ICOS: variants seen among roughly 807,000 people sequenced by gnomAD.
ICOS encodes inducible T-cell costimulator.
In ICOS, 15 loss-of-function variants were observed where a neutral mutation model predicts 24.6. The ratio of observed to expected loss-of-function variants is 0.61; its 90% CI spans 0.41 to 0.94. The LOEUF (loss-of-function observed/expected upper bound fraction) is 0.94. ICOS is among the 40% of genes least tolerant of loss of function. The pLI is 0.00. For synonymous variants in ICOS, 89 were observed against 77.5 expected, an observed-to-expected ratio of 1.15 and a Z score of -0.78; for missense variants, 200 against 233.0, an observed-to-expected ratio of 0.86 and a Z score of 0.92.
chr2:203,952,230 T>C (rs1034404077), intron 1 of ICOS, among the ~76,000 whole-genome samples: 1 of 152,216 alleles, frequency 6.6e-6, no homozygotes, highest in African/African-American at 2.4e-5. Flanking sequence ...CTAATTCAGA[T>C]TATATTAACT....
chr2:203,956,059 A>C, intron 2 of ICOS, 88 bp downstream of exon 2: 2 of 887,038 alleles, frequency 2.3e-6, no homozygotes, highest in South Asian at 1.5e-5. Flanking sequence ...AGACAAATAA[A>C]TATCTTTTGT....
chr2:203,950,811 C>G (rs960590595), intron 1 of ICOS, among the ~76,000 whole-genome samples: 1 of 152,092 alleles, frequency 6.6e-6, no homozygotes, highest in Non-Finnish European at 1.5e-5. Context: ...CTTATAATCC[C>G]AGCACTTTGG....
Position 203,946,243 on chromosome 2 carries a change from A to G in ICOS, c.58+9371A>G, listed in dbSNP as rs1473358010. 2.0e-5 allele frequency among the ~76,000 whole-genome samples: 3 copies of G among 152,174 alleles called. No individual in the cohort carries two copies. In the South Asian group the frequency reaches 6.2e-4, roughly 31 times the overall value. On this transcript the variant is annotated intron_variant, in intron 1 of 4. Coordinates refer to ENST00000316386, the MANE Select transcript of ICOS (RefSeq NM_012092.4). ...CATTTTTCATGAAGAAATCAGTTTT[A>G]ACTAGGAGAAAATCAATCTTTCATT...
intron 4 of ICOS, 54 bp downstream of exon 4, chr2:203,957,937 T>C: frequency 9.2e-7 from 1 of 1,083,178 alleles, no homozygotes; most frequent in Non-Finnish European, 1.4e-6. Context: ...ACAGTAAGCC[T>C]GGAATGTTAA....
At position 203,956,715 on chromosome 2, in the gene ICOS, G is replaced by C. The variant is rs76778263; in HGVS notation, c.451G>C (p.Val151Leu). 6.8e-4 allele frequency: 1,103 copies of C among 1,613,512 alleles called. 2 individuals are homozygous for C. Among genetic ancestry groups the C allele is most frequent in the African/African-American group, 6.1e-3 (454 of 75,020 alleles). Residue 151 changes from valine (V) to leucine (L), a missense_variant, in exon 3 of 5, where the codon GTT becomes CTT. Val to Leu is a conservative substitution (Grantham distance 32). Coordinates refer to ENST00000316386, the MANE Select transcript of ICOS (RefSeq NM_012092.4). ...GTTACCCATAGGATGTGCAGCCTTT[G>C]TTGTAGTCTGCATTTTGGGATGCAT... ...FWLPIGCAAF[V>L]VVCILGCILI...
intron 4 of ICOS, among the ~76,000 whole-genome samples, 182 bp from the exon 5 acceptor site, chr2:203,959,404 A>T (rs536710433): frequency 6.6e-6 from 1 of 151,866 alleles, no homozygotes; most frequent in Non-Finnish European, 1.5e-5. Flanking sequence ...GAAATGGGGA[A>T]CTGGTGCTGG....
intron 1 of ICOS, among the ~76,000 whole-genome samples, chr2:203,941,544 A>G (rs1689775958): frequency 6.6e-6 from 1 of 152,082 alleles, no homozygotes; most frequent in Non-Finnish European, 1.5e-5. Context: ...CTGCTTCCCT[A>G]CTCTAAGAAT....
In ICOS at chr2:203,936,769, A is replaced by G. The variant is rs1445920524; in HGVS notation, c.-46A>G. The G allele has an allele frequency of 6.7e-7, 1 of 1,499,610 alleles. No individual in the cohort carries two copies. Among genetic ancestry groups the G allele is most frequent in the Non-Finnish European group, 9.3e-7 (1 of 1,075,908 alleles). 92.9% of individuals were successfully genotyped at this position (1,499,610 alleles called of 1,614,324 possible). On this transcript the variant is annotated 5_prime_UTR_variant, in exon 1 of 5. Transcript: ENST00000316386. ...CAACCGAGAGCCTGAATTCACTGTC[A>G]GCTTTGAACACTGAACGCGAGGACT...
At chr2:203,943,539 G>A (rs1281392293) in intron 1 of ICOS, among the ~76,000 whole-genome samples, 2 of 152,160 alleles carry the variant, frequency 1.3e-5, no homozygotes, top group Non-Finnish European at 2.9e-5. Flanking sequence ...ATGGATACCA[G>A]TGCTGTTCTG....
rs2105754222 is a variant in ICOS at position 203,955,812 on chromosome 2, A to C, written c.235A>C (p.Ser79Arg). 6.2e-7 allele frequency: 1 copy of C among 1,613,886 alleles called. No individual in the cohort carries two copies. Among genetic ancestry groups the C allele is most frequent in the Non-Finnish European group, 8.5e-7 (1 of 1,179,852 alleles). Residue 79 changes from serine to arginine, a missense_variant, in exon 2 of 5, where the codon AGT (serine) becomes CGT (arginine). Coordinates refer to ENST00000316386, the MANE Select transcript of ICOS (RefSeq NM_012092.4). ...AAGTGGAAACACAGTGTCCATTAAG[A>C]GTCTGAAATTCTGCCATTCTCAGTT... ...KGSGNTVSIKSLKFCHSQLSN... is the reference protein window; with the variant it reads ...KGSGNTVSIKRLKFCHSQLSN...
At chr2:203,951,818 A>G (rs909282043) in intron 1 of ICOS, among the ~76,000 whole-genome samples, 15 of 152,220 alleles carry the variant, frequency 9.9e-5, no homozygotes, top group African/African-American at 3.4e-4. Flanking sequence ...CGGTAGAGAC[A>G]TACGCATCAA....
At chr2:203,948,449 A>C (rs1351957456) in intron 1 of ICOS, among the ~76,000 whole-genome samples, 2 of 152,228 alleles carry the variant, frequency 1.3e-5, no homozygotes, top group Non-Finnish European at 2.9e-5. Context: ...CCTGTGCTTC[A>C]TCTCCTCAGA....
intron 1 of ICOS, among the ~76,000 whole-genome samples, chr2:203,946,105 A>G (rs777362926): frequency 3.0e-4 from 46 of 152,198 alleles, no homozygotes; most frequent in African/African-American, 1.0e-3. Flanking sequence ...TGATTTCCCT[A>G]GTACAATAGT....
chr2:203,959,371 G>A (rs1690130570), intron 4 of ICOS, among the ~76,000 whole-genome samples: 1 of 152,120 alleles, frequency 6.6e-6, no homozygotes, highest in African/African-American at 2.4e-5. Flanking sequence ...TCTGTTATAG[G>A]AGTCGAGAGC....
At chr2:203,949,235 G>A (rs1689926491) in intron 1 of ICOS, among the ~76,000 whole-genome samples, 1 of 152,168 alleles carries the variant, frequency 6.6e-6, no homozygotes, top group Non-Finnish European at 1.5e-5. Flanking sequence ...TGGAAATTAG[G>A]CGTTCTTCCT....
rs1246974238 is a variant in ICOS at position 203,936,786 on chromosome 2, G to A, written c.-29G>A. ...TCACTGTCAGCTTTGAACACTGAAC[G>A]CGAGGACTGTTAACTGTTTCTGGCA... On this transcript the variant is annotated 5_prime_UTR_variant, in exon 1 of 5. Coordinates refer to ENST00000316386, the MANE Select transcript of ICOS (RefSeq NM_012092.4). The A allele has an allele frequency of 1.3e-6, 2 of 1,588,272 alleles. No individual in the cohort carries two copies. The highest frequency in any genetic ancestry group is 8.6e-7 in the Non-Finnish European group (1 of 1,156,582).
chr2:203,955,962 C>T lies in ICOS; in HGVS notation c.385C>T (p.His129Tyr), dbSNP rs1367205995. The change falls in exon 2 of 5, where the codon CAT becomes TAT. Residue 129 changes from histidine (H) to tyrosine (Y), a missense_variant. By Grantham distance (83) the His-to-Tyr change is moderately conservative. Transcript: ENST00000316386. Reference protein sequence around the residue: ...FKVTLTGGYLHIYESQLCCQL... With the variant: ...FKVTLTGGYLYIYESQLCCQL... Reference sequence around the variant, plus strand: ...AGTAACTCTTACAGGAGGATATTTGCATATTTATGGTAAGACATTGCTTTC... The same window carrying T: ...AGTAACTCTTACAGGAGGATATTTGTATATTTATGGTAAGACATTGCTTTC... The T allele has an allele frequency of 1.9e-6, 3 of 1,603,664 alleles. No homozygotes were observed. Among genetic ancestry groups the T allele is most frequent in the Non-Finnish European group, 2.6e-6 (3 of 1,171,504 alleles).
chr2:203,959,504 G>A (rs546873602), intron 4 of ICOS, 82 bp from the exon 5 acceptor site: 7 of 1,121,804 alleles, frequency 6.2e-6, no homozygotes, highest in Non-Finnish European at 8.2e-6. Flanking sequence ...GTGTATGAAA[G>A]GCAATGGAGA....
rs957683010 is a variant in ICOS, at chr2:203,960,531, T to C, written c.*932T>C. 6.6e-6 allele frequency: 1 copy of C among 152,234 alleles called. No individual in the cohort carries two copies. The highest frequency in any genetic ancestry group is 2.4e-5 in the African/African-American group (1 of 41,458). The allele number at this position is 152,234 out of a possible 1,614,324, so 9.4% of individuals were successfully genotyped here. Reference sequence around the variant, plus strand: ...TTATCCTATTTTCTACCATTATCTATGTTTTCATGGTGCTATTAATTACAA... The same window carrying C: ...TTATCCTATTTTCTACCATTATCTACGTTTTCATGGTGCTATTAATTACAA... On this transcript the variant is annotated 3_prime_UTR_variant, in exon 5 of 5. Transcript: ENST00000316386.
Sources: allele counts gnomAD v4.1 joint callset (sites outside exome capture counted in the v4.1 genomes callset), GRCh38; gene constraint gnomAD v4.1.1; transcripts MANE v1.5; gene names NCBI Gene and HGNC (gene_info 2026-07-23, HGNC 2026-07-21).